GREB1L: variants seen among roughly 807,000 people sequenced by gnomAD.
The protein encoded by GREB1L is GREB1-like protein.
Under a neutral mutation model 200.8 loss-of-function variants are expected in GREB1L, and 17 were observed. That is an observed-to-expected ratio of 0.08 (90% CI 0.06 to 0.13). GREB1L has a LOEUF of 0.13. Ranked by LOEUF, GREB1L falls within the 10% of genes least tolerant of loss-of-function variation. The pLI is 1.00. For synonymous variants in GREB1L, 789 were observed against 893.0 expected (o/e 0.88, Z 2.08); for missense variants, 1,657 against 2,367.7 (o/e 0.70, Z 6.23).
In GREB1L at chr18:21,500,014, C is replaced by A; in HGVS notation, c.3677C>A (p.Ala1226Glu). The part of the protein sequence containing the change: ...QPIRGCRGPQ[A>E]ALPPVVILSK... ...ATCAGAGGCTGCCGGGGCCCACAGGCAGCCCTGCCACCAGTGGTGATCCTA... is the reference window on the plus strand; with the variant it reads ...ATCAGAGGCTGCCGGGGCCCACAGGAAGCCCTGCCACCAGTGGTGATCCTA... Residue 1226 changes from alanine to glutamate, a missense_variant, in exon 22 of 33, where the codon GCA (alanine) becomes GAA (glutamate). Around this residue, in one of 9 missense-constraint regions of GREB1L, gnomAD observed 512 missense variants for 668.3 expected, o/e 0.77. Transcript: ENST00000424526. 1.3e-6 allele frequency: 2 copies of A among 1,551,460 alleles called. No individual in the cohort carries two copies. The highest frequency in any genetic ancestry group is 1.7e-6 in the Non-Finnish European group (2 of 1,147,000).
chr18:21,335,127 A>T (rs990034519), intron 1 of GREB1L, among the ~76,000 whole-genome samples: 1 of 152,192 alleles, frequency 6.6e-6, no homozygotes, highest in African/African-American at 2.4e-5. Context: ...ATGCTCCATT[A>T]ATCTTAGTGA....
intron 1 of GREB1L, among the ~76,000 whole-genome samples, chr18:21,243,057 G>A (rs1598599142): frequency 6.6e-6 from 1 of 152,052 alleles, no homozygotes; most frequent in Admixed American, 6.6e-5. Context: ...ATTTTTCTGT[G>A]CATGGCTGAG....
intron 1 of GREB1L, among the ~76,000 whole-genome samples, chr18:21,295,456 T>C (rs1598637208): frequency 6.6e-6 from 1 of 152,148 alleles, no homozygotes; most frequent in South Asian, 2.1e-4. Flanking sequence ...GCAGGCAGGG[T>C]CAAGTCCTGA....
chr18:21,445,949 G>A (rs1432405170), intron 11 of GREB1L, among the ~76,000 whole-genome samples: 1 of 152,188 alleles, frequency 6.6e-6, no homozygotes, highest in Admixed American at 6.5e-5. Flanking sequence ...AGTAAAACCA[G>A]GCTTCATAAA....
intron 1 of GREB1L, among the ~76,000 whole-genome samples, chr18:21,258,216 C>T (rs896245386): frequency 6.6e-6 from 1 of 152,176 alleles, no homozygotes; most frequent in Non-Finnish European, 1.5e-5. Context: ...TTAGCCTTTG[C>T]ACATACCACT....
At chr18:21,468,825 G>A (rs749306844) in intron 15 of GREB1L, 6 of 455,430 alleles carry the variant, frequency 1.3e-5, no homozygotes, top group South Asian at 6.2e-5. Context: ...ATGACCTTAA[G>A]TGAATACTAA....
intron 1 of GREB1L, among the ~76,000 whole-genome samples, chr18:21,329,497 A>G (rs1447481540): frequency 6.6e-6 from 1 of 151,950 alleles, no homozygotes; most frequent in African/African-American, 2.4e-5. Flanking sequence ...ATTGTGGGCA[A>G]AAAGATACTC....
chr18:21,316,896 G>A (rs1347185003), intron 1 of GREB1L: 2 of 151,498 alleles, frequency 1.3e-5, no homozygotes, highest in Admixed American at 1.3e-4. Flanking sequence ...GGAGTAGCTG[G>A]GATTACAGGC....
At position 21,522,792 on chromosome 18, in the gene GREB1L, C is replaced by G; in HGVS notation, c.5743C>G (p.Leu1915Val). 2.6e-6 allele frequency: 4 copies of G among 1,551,498 alleles called. No individual in the cohort carries two copies. In the South Asian group the frequency reaches 4.8e-5, roughly 18 times the overall value. ...TGCTAACAGCAGTGATGACAAGCCT[C>G]TCTACTTTCTTACTGGACGTCATGT... ...QTANSSDDKP[L>V]YFLTGRHV Residue 1915 changes from leucine to valine, a missense_variant, in exon 33 of 33, where the codon CTC (leucine) becomes GTC (valine). By Grantham distance (32) the Leu-to-Val change is conservative (BLOSUM62 1). Around this residue, in one of 9 missense-constraint regions of GREB1L, gnomAD observed 190 missense variants for 230.2 expected, o/e 0.83. Coordinates refer to ENST00000424526, the MANE Select transcript of GREB1L (RefSeq NM_001142966.3).
At chr18:21,358,577 A>G (rs1448212348) in intron 1 of GREB1L, among the ~76,000 whole-genome samples, 4 of 152,154 alleles carry the variant, frequency 2.6e-5, no homozygotes, top group Non-Finnish European at 5.9e-5. Flanking sequence ...GGCCTCCCAA[A>G]GTGCTGGGAT....
At position 21,383,041 on chromosome 18, in the gene GREB1L, A is replaced by AT. The variant is rs111675467; in HGVS notation, c.-9-461dup. Among the ~76,000 whole-genome samples the AT allele has an allele frequency of 5.3e-5, 8 of 152,014 alleles. No homozygotes were observed. In the South Asian group the frequency reaches 8.3e-4, roughly 16 times the overall value. On this transcript the variant is annotated intron_variant, in intron 2 of 32. Coordinates refer to ENST00000424526, the MANE Select transcript of GREB1L (RefSeq NM_001142966.3). ...TTAAATATATAACCATAAAACTTTC[A>AT]TTTTTTTTCCAGAAGAGAGCCTTTT...
At chr18:21,495,958 T>A (rs2036528415) in intron 20 of GREB1L, among the ~76,000 whole-genome samples, 173 bp downstream of exon 20, 1 of 152,138 alleles carries the variant, frequency 6.6e-6, no homozygotes, top group African/African-American at 2.4e-5. Context: ...TCTTTTTTTT[T>A]AGCTTTCCAG....
intron 7 of GREB1L, among the ~76,000 whole-genome samples, chr18:21,410,379 A>G (rs1447577259): frequency 6.6e-6 from 1 of 152,056 alleles, no homozygotes; most frequent in Admixed American, 6.6e-5. Flanking sequence ...TATAAAGGCC[A>G]GCACGGTGGC....
At chr18:21,375,858 T>G (rs1419697785) in intron 2 of GREB1L, among the ~76,000 whole-genome samples, 1 of 152,110 alleles carries the variant, frequency 6.6e-6, no homozygotes, top group Non-Finnish European at 1.5e-5. Flanking sequence ...TCTTTCACAT[T>G]TTTTGACAAT....
intron 15 of GREB1L, among the ~76,000 whole-genome samples, chr18:21,463,209 G>C (rs2035127624): frequency 7.9e-6 from 1 of 126,170 alleles, no homozygotes; most frequent in African/African-American, 3.0e-5. Context: ...GCAGTGGCGT[G>C]ATCTCGGCTC....
chr18:21,353,122 C>G (rs1047177784), intron 1 of GREB1L, among the ~76,000 whole-genome samples: 2 of 150,210 alleles, frequency 1.3e-5, no homozygotes, highest in African/African-American at 2.5e-5. Flanking sequence ...GCGGAACTTG[C>G]AGTGAGCAGA....
At chr18:21,331,566 C>T (rs1437357866) in intron 1 of GREB1L, among the ~76,000 whole-genome samples, 2 of 152,072 alleles carry the variant, frequency 1.3e-5, no homozygotes, top group Non-Finnish European at 2.9e-5. Context: ...TCTTGGAGAC[C>T]CCTGGATTAC....
rs140904289 is a variant in GREB1L at position 21,322,623 on chromosome 18, A to G, written c.-119-43404A>G. 1.1e-3 allele frequency among the ~76,000 whole-genome samples: 164 copies of G among 152,350 alleles called. No individual in the cohort carries two copies. In the Middle Eastern group the frequency reaches 0.014, roughly 13 times the overall value. ...AATTCTAGAAAAATTCTGAATAAGA[A>G]CAGTAGTAGTGTATAGAGAGTAATC... On this transcript the variant is annotated intron_variant, in intron 1 of 32. Coordinates refer to ENST00000424526, the MANE Select transcript of GREB1L (RefSeq NM_001142966.3).
chr18:21,295,391 G>A lies in GREB1L; in HGVS notation c.-120+52998G>A, dbSNP rs140509925. ...TTCCTAAGAGCAAATCTTAGTGACT[G>A]GACAGAGGCTTTGCTTTTCTTAGTG... On this transcript the variant is annotated intron_variant, in intron 1 of 32. Transcript: ENST00000424526. 1.7e-3 allele frequency among the ~76,000 whole-genome samples: 260 copies of A among 152,202 alleles called. 2 individuals are homozygous for A. In the East Asian group the frequency reaches 0.034, roughly 20 times the overall value.
Sources: gnomAD v4.1 joint callset for allele counts (sites outside exome capture counted in the v4.1 genomes callset) on GRCh38, gnomAD v4.1.1 for gene constraint, gnomAD v4.1.1 regional missense constraint, MANE v1.5 for transcripts, NCBI Gene and HGNC (gene_info 2026-07-23, HGNC 2026-07-21) for gene names.